Variants in RAPGEF1 observed in about 807,000 individuals in gnomAD.
RAPGEF1 encodes the protein Rap guanine nucleotide exchange factor 1.
RAPGEF1 carries 33 observed loss-of-function variants against 143.3 expected under a neutral mutation model. The observed-to-expected ratio is 0.23, with a 90% CI of 0.17 to 0.31. The LOEUF is 0.31. Ranked by LOEUF, RAPGEF1 falls within the 10% of genes least tolerant of loss-of-function variation. The pLI is 1.00. For missense variants in RAPGEF1, 1,199 were observed against 1,645.4 expected, an observed-to-expected ratio of 0.73 and a Z score of 4.69; for synonymous variants, 629 against 676.5, an observed-to-expected ratio of 0.93 and a Z score of 1.09.
chr9:131,595,266 C>T (rs1043463930), intron 17 of RAPGEF1, among the ~76,000 whole-genome samples: 3 of 152,220 alleles, frequency 2.0e-5, no homozygotes, highest in African/African-American at 7.2e-5. Context: ...GGTGAGGGAA[C>T]AGTGAAGGGG....
intron 1 of RAPGEF1, among the ~76,000 whole-genome samples, chr9:131,678,808 G>C (rs1158927670): frequency 6.6e-6 from 1 of 152,172 alleles, no homozygotes; most frequent in East Asian, 1.9e-4. Flanking sequence ...ATGATGGGGG[G>C]TGCCGGGGGC....
At chr9:131,626,469 G>A in intron 9 of RAPGEF1, 47 bp from the exon 10 acceptor site, 1 of 1,509,628 alleles carries the variant, frequency 6.6e-7, no homozygotes, top group South Asian at 1.3e-5. Flanking sequence ...CACAGGCCCT[G>A]CAGGAGCAGC....
At chr9:131,725,941 A>T (rs1836634354) in intron 1 of RAPGEF1, among the ~76,000 whole-genome samples, 1 of 151,558 alleles carries the variant, frequency 6.6e-6, no homozygotes, top group Non-Finnish European at 1.5e-5. Flanking sequence ...TGTATTTTTT[A>T]GTAGAGACGG....
At chr9:131,717,913 A>G (rs1835973208) in intron 1 of RAPGEF1, among the ~76,000 whole-genome samples, 1 of 152,172 alleles carries the variant, frequency 6.6e-6, no homozygotes, top group Non-Finnish European at 1.5e-5. Context: ...TGAGGCAGCT[A>G]GGGATAGGGA....
chr9:131,739,208 C>T (rs912305440), intron 1 of RAPGEF1, among the ~76,000 whole-genome samples: 1 of 152,224 alleles, frequency 6.6e-6, no homozygotes. Flanking sequence ...CACCGGTCCC[C>T]CACCTGCCCT....
chr9:131,672,301 A>G (rs1831532157), intron 1 of RAPGEF1, among the ~76,000 whole-genome samples: 1 of 152,216 alleles, frequency 6.6e-6, no homozygotes, highest in Admixed American at 6.5e-5. Flanking sequence ...TTTAAATTCT[A>G]TTTTACTTTT....
At chr9:131,589,557 G>T (rs1210578952) in intron 19 of RAPGEF1, among the ~76,000 whole-genome samples, 1 of 152,232 alleles carries the variant, frequency 6.6e-6, no homozygotes, top group Non-Finnish European at 1.5e-5. Context: ...TCCCATTCCA[G>T]CCTCCACACA....
chr9:131,604,342 T>G (rs1441901682), intron 13 of RAPGEF1, among the ~76,000 whole-genome samples: 1 of 152,134 alleles, frequency 6.6e-6, no homozygotes, highest in Non-Finnish European at 1.5e-5. Flanking sequence ...AAGCAACACA[T>G]CAAGACAATC....
intron 1 of RAPGEF1, among the ~76,000 whole-genome samples, chr9:131,700,808 C>T (rs148095751): frequency 2.2e-4 from 34 of 152,278 alleles, no homozygotes; most frequent in African/African-American, 7.2e-4. Flanking sequence ...CCAGAAGGCT[C>T]GCTGAGCAAC....
At chr9:131,730,401 G>T (rs1438529315) in intron 1 of RAPGEF1, among the ~76,000 whole-genome samples, 1 of 151,290 alleles carries the variant, frequency 6.6e-6, no homozygotes, top group Non-Finnish European at 1.5e-5. Flanking sequence ...CCAGCCTTAG[G>T]CTGGGAGGTG....
At chr9:131,678,924 C>T (rs1832677645) in intron 1 of RAPGEF1, among the ~76,000 whole-genome samples, 1 of 152,182 alleles carries the variant, frequency 6.6e-6, no homozygotes, top group South Asian at 2.1e-4. Flanking sequence ...TTGACCATTT[C>T]CCCCTGCTTT....
At chr9:131,645,203 T>C (rs1415327823) in intron 3 of RAPGEF1, among the ~76,000 whole-genome samples, 1 of 150,978 alleles carries the variant, frequency 6.6e-6, no homozygotes, top group African/African-American at 2.4e-5. Flanking sequence ...TGTGAAGGAG[T>C]CGCAGTGCCG....
In RAPGEF1 at chr9:131,650,215, C is replaced by T. The variant is rs772351694; in HGVS notation, c.229G>A (p.Gly77Ser). ...KEATDRFLPE[G>S]YPLPLDLEQQ... ...TCCAGATCCAAGGGGAGAGGGTAGC[C>T]CTCTGGTAGAAATCTGTCTGTTGCC... Residue 77 changes from glycine (G) to serine (S), a missense_variant, in exon 3 of 27, where the codon GGC (glycine) becomes AGC (serine). Gly to Ser is a moderately conservative substitution (Grantham distance 56). Coordinates refer to ENST00000683357, the MANE Select transcript of RAPGEF1 (RefSeq NM_001377935.1). The surrounding 1 kb of genome is among the most constrained non-coding windows in gnomAD (Gnocchi z 4.7). 1 of 1,613,670 alleles carries T rather than the reference C, an allele frequency of 6.2e-7. No individual in the cohort carries two copies. The highest frequency in any genetic ancestry group is 8.5e-7 in the Non-Finnish European group (1 of 1,179,730).
intron 1 of RAPGEF1, among the ~76,000 whole-genome samples, chr9:131,707,409 T>C (rs1200172883): frequency 6.6e-6 from 1 of 152,208 alleles, no homozygotes; most frequent in Non-Finnish European, 1.5e-5. Context: ...CATTTATTTA[T>C]ACAGTATATT....
chr9:131,679,174 G>C, intron 1 of RAPGEF1, among the ~76,000 whole-genome samples: 1 of 148,214 alleles, frequency 6.7e-6, no homozygotes, highest in Non-Finnish European at 1.5e-5. Context: ...CAAGGGGGGG[G>C]CCACAAGCAG....
At chr9:131,660,609 C>T (rs1287879225) in intron 1 of RAPGEF1, among the ~76,000 whole-genome samples, 3 of 152,170 alleles carry the variant, frequency 2.0e-5, no homozygotes, top group African/African-American at 4.8e-5. Flanking sequence ...TTGATGAACA[C>T]CCTCAAGCTG....
At chr9:131,652,596 AC>A (rs1035404147) in intron 1 of RAPGEF1, among the ~76,000 whole-genome samples, 5 of 152,152 alleles carry the variant, frequency 3.3e-5, no homozygotes, top group African/African-American at 1.2e-4. Context: ...GCCTAGGTCT[AC>A]GGGGGCAGGA....
intron 1 of RAPGEF1, among the ~76,000 whole-genome samples, chr9:131,658,892 G>A (rs1240531008): frequency 6.6e-6 from 1 of 152,220 alleles, no homozygotes; most frequent in Non-Finnish European, 1.5e-5. Flanking sequence ...TGTGTCATTT[G>A]TAGCAGCAGC....
At chr9:131,651,068 T>C (rs1375812770) in intron 1 of RAPGEF1, 119 bp from the exon 2 acceptor site, 1 of 1,290,588 alleles carries the variant, frequency 7.7e-7, no homozygotes, top group Non-Finnish European at 1.1e-6. Context: ...TGTTGAGAGT[T>C]TCAAGGGAAA....
Sources: allele counts gnomAD v4.1 joint callset (sites outside exome capture counted in the v4.1 genomes callset), GRCh38; gene constraint gnomAD v4.1.1; non-coding constraint Gnocchi (gnomAD v3.1); transcripts MANE v1.5; gene names NCBI Gene and HGNC (gene_info 2026-07-23, HGNC 2026-07-21).